The following ADGRL3 variants were observed in gnomAD, a reference collection of about 807,000 sequenced individuals.
ADGRL3 encodes the protein calcium-independent alpha-latrotoxin receptor 3.
ADGRL3 carries 62 observed loss-of-function variants against 153.5 expected under a neutral mutation model. The ratio of observed to expected loss-of-function variants is 0.40; its 90% CI spans 0.33 to 0.50. ADGRL3 has a LOEUF of 0.50. Ranked by LOEUF, ADGRL3 falls within the 20% of genes least tolerant of loss-of-function variation. The pLI, the probability that ADGRL3 is intolerant of heterozygous loss-of-function variation, is 0.47. For synonymous variants in ADGRL3, 710 were observed against 672.5 expected (o/e 1.06, Z -0.86); for missense variants, 1,641 against 1,859.4 (o/e 0.88, Z 2.16).
chr4:61,939,656 G>C (rs1581555621), intron 15 of ADGRL3, among the ~76,000 whole-genome samples: 1 of 151,952 alleles, frequency 6.6e-6, no homozygotes, highest in Non-Finnish European at 1.5e-5. Flanking sequence ...TTTTAGTAGA[G>C]ACAGGGTTTC....
intron 2 of ADGRL3, among the ~76,000 whole-genome samples, chr4:61,416,337 T>A (rs2152302621): frequency 6.7e-6 from 1 of 149,968 alleles, no homozygotes; most frequent in South Asian, 2.1e-4. Flanking sequence ...AGAAAAAAAA[T>A]TAAAAGCCTT....
chr4:61,719,800 A>G (rs2096202579), intron 6 of ADGRL3, among the ~76,000 whole-genome samples: 1 of 151,332 alleles, frequency 6.6e-6, no homozygotes, highest in Non-Finnish European at 1.5e-5. Flanking sequence ...ACTGGTTTTC[A>G]TTATGTTGGC....
In ADGRL3 at chr4:62,037,772, T is replaced by C. The variant is rs751746103; in HGVS notation, c.3633T>C (p.Cys1211=). The C allele has an allele frequency of 6.8e-6, 11 of 1,613,686 alleles. No homozygotes were observed. The highest frequency in any genetic ancestry group is 5.9e-6 in the Non-Finnish European group (7 of 1,179,780). The change falls in exon 24 of 27, where the codon TGT becomes TGC. Residue 1211 remains cysteine, a synonymous_variant. Coordinates refer to ENST00000683033, the MANE Select transcript of ADGRL3 (RefSeq NM_001387552.1). ...GGAAATGCCTGCGAACACATTGCTG[T>C]AGTGGCAAAAGTACAGAGAGTTCCA... The part of the protein sequence containing the change: ...EYGKCLRTHC[C]SGKSTESSIG...
chr4:61,721,472 C>T (rs2096243065), intron 6 of ADGRL3, among the ~76,000 whole-genome samples: 2 of 152,276 alleles, frequency 1.3e-5, no homozygotes, highest in South Asian at 2.1e-4. Flanking sequence ...TTTGCTCTTT[C>T]CAACTTCTGC....
At chr4:61,862,059 G>C (rs1268358640) in intron 9 of ADGRL3, among the ~76,000 whole-genome samples, 1 of 152,144 alleles carries the variant, frequency 6.6e-6, no homozygotes, top group Non-Finnish European at 1.5e-5. Context: ...CATTCTACTG[G>C]CACAAGGCTG....
rs2098136763 is a variant in ADGRL3 at position 61,847,680 on chromosome 4, T to TTATATATATAATATAAAA, written c.1480+33797_1480+33814dup. On this transcript the variant is annotated intron_variant, in intron 9 of 26. Coordinates refer to ENST00000683033, the MANE Select transcript of ADGRL3 (RefSeq NM_001387552.1). Reference sequence around the variant, plus strand: ...TATTATATATATAATATAAAATATATTATATATATAATATAAAATATATTA... The same window carrying TTATATATATAATATAAAA: ...TATTATATATATAATATAAAATATATTATATATATAATATAAAATATATATATAATATAAAATATATTA... Among the ~76,000 whole-genome samples, 34 of 50,482 alleles carry TTATATATATAATATAAAA rather than the reference T, an allele frequency of 6.7e-4. 3 individuals carry two copies. The highest frequency in any genetic ancestry group is 3.1e-3 in the African/African-American group (32 of 10,472). 33.1% of individuals were successfully genotyped at this position (50,482 alleles called of 152,430 possible). A position where few individuals can be genotyped will look rare whatever the true frequency, so the allele number is the denominator to read the frequency against.
intron 24 of ADGRL3, 118 bp downstream of exon 24, chr4:62,037,974 C>A: frequency 9.3e-7 from 1 of 1,070,222 alleles, no homozygotes; most frequent in Non-Finnish European, 1.4e-6. Context: ...TGTTGTTTCA[C>A]TGTGTCTCAC....
At chr4:61,932,436 CAT>C (rs1417368667) in intron 13 of ADGRL3, among the ~76,000 whole-genome samples, 3 of 152,090 alleles carry the variant, frequency 2.0e-5, no homozygotes, top group African/African-American at 7.2e-5. Context: ...TTAAGACAAT[CAT>C]GTGATATCCT....
chr4:61,327,452 G>A (rs931246543), intron 1 of ADGRL3, among the ~76,000 whole-genome samples: 1 of 151,600 alleles, frequency 6.6e-6, no homozygotes, highest in Non-Finnish European at 1.5e-5. Context: ...AGGAATTGGA[G>A]AGAGATTACA....
intron 2 of ADGRL3, among the ~76,000 whole-genome samples, chr4:61,398,805 A>T (rs1286162228): frequency 1.3e-5 from 2 of 151,544 alleles, no homozygotes; most frequent in Non-Finnish European, 3.0e-5. Context: ...CTAATATCTA[A>T]TCTGATGTAA....
intron 1 of ADGRL3, among the ~76,000 whole-genome samples, chr4:61,284,535 T>C (rs1430003114): frequency 6.6e-6 from 1 of 151,980 alleles, no homozygotes; most frequent in Admixed American, 6.6e-5. Context: ...TTACCAAGGC[T>C]TCCCACCACA....
chr4:61,453,244 T>A (rs1044065326), intron 2 of ADGRL3, among the ~76,000 whole-genome samples: 10 of 152,100 alleles, frequency 6.6e-5, no homozygotes, highest in African/African-American at 2.4e-4. Context: ...ATGTGAGAAA[T>A]ATATAACAGA....
At chr4:61,623,743 A>C (rs1351223862) in intron 5 of ADGRL3, among the ~76,000 whole-genome samples, 3 of 152,052 alleles carry the variant, frequency 2.0e-5, no homozygotes. Context: ...TCAGATAATA[A>C]CCCTAAGAAG....
At chr4:61,465,251 C>G (rs934292296) in intron 2 of ADGRL3, among the ~76,000 whole-genome samples, 1 of 151,968 alleles carries the variant, frequency 6.6e-6, no homozygotes, top group African/African-American at 2.4e-5. Context: ...AGAATATGCC[C>G]AAACTTTAAA....
intron 1 of ADGRL3, among the ~76,000 whole-genome samples, chr4:61,321,674 T>C (rs778101993): frequency 1.1e-4 from 17 of 151,378 alleles, no homozygotes; most frequent in Non-Finnish European, 2.2e-4. Flanking sequence ...CTGAAGATAA[T>C]TGTAACACAA....
At chr4:61,976,169 G>A (rs1191177536) in intron 17 of ADGRL3, among the ~76,000 whole-genome samples, 1 of 152,004 alleles carries the variant, frequency 6.6e-6, no homozygotes, top group Non-Finnish European at 1.5e-5. Context: ...GGTACATAAT[G>A]GTATATAGTT....
intron 4 of ADGRL3, among the ~76,000 whole-genome samples, chr4:61,559,757 T>A (rs2098786288): frequency 6.6e-6 from 1 of 152,102 alleles, no homozygotes; most frequent in African/African-American, 2.4e-5. Context: ...TCCATACTAG[T>A]AAATATAATA....
chr4:61,256,752 C>T (rs1054015715), intron 1 of ADGRL3, among the ~76,000 whole-genome samples: 1 of 152,058 alleles, frequency 6.6e-6, no homozygotes, highest in African/African-American at 2.4e-5. Flanking sequence ...AGGATGATTG[C>T]AGACATCCAG....
chr4:61,639,217 C>T (rs755416510), intron 5 of ADGRL3, among the ~76,000 whole-genome samples: 1 of 152,086 alleles, frequency 6.6e-6, no homozygotes, highest in Non-Finnish European at 1.5e-5. Flanking sequence ...AGTCCCCATT[C>T]CCCTATTGCC....
Sources: allele counts gnomAD v4.1 joint callset (sites outside exome capture counted in the v4.1 genomes callset), GRCh38; gene constraint gnomAD v4.1.1; transcripts MANE v1.5; gene names NCBI Gene and HGNC (gene_info 2026-07-23, HGNC 2026-07-21).